The following TEK variants were observed in gnomAD, a reference collection of about 807,000 sequenced individuals.
TEK encodes the protein angiopoietin-1 receptor.
A neutral mutation model predicts 131.8 loss-of-function variants in TEK; 43 were observed. That is an observed-to-expected ratio of 0.33 (90% CI 0.26 to 0.42). The LOEUF is 0.42. Among genes scored for constraint, TEK ranks in the 10% least tolerant of loss-of-function variants. The pLI, the probability that TEK is intolerant of heterozygous loss-of-function variation, is 1.00. For missense variants in TEK, 1,162 were observed against 1,384.4 expected (o/e 0.84, Z 2.55); for synonymous variants, 580 against 491.6 (o/e 1.18, Z -2.38).
At chr9:27,209,092 A>C (rs1425210403) in intron 15 of TEK, 29 bp from the exon 16 acceptor site, 5 of 1,527,298 alleles carry the variant, frequency 3.3e-6, no homozygotes, top group African/African-American at 2.7e-5. Flanking sequence ...GTAACAAAGA[A>C]GAATCACAAC....
At chr9:27,122,482 C>A (rs566727524) in intron 1 of TEK, among the ~76,000 whole-genome samples, 1 of 152,122 alleles carries the variant, frequency 6.6e-6, no homozygotes, top group East Asian at 1.9e-4. Context: ...ACAATGGGTT[C>A]ATTGAAGAAG....
chr9:27,198,968 T>A (rs761249389), intron 12 of TEK, among the ~76,000 whole-genome samples: 35 of 152,240 alleles, frequency 2.3e-4, no homozygotes, highest in African/African-American at 2.9e-4. Context: ...TGACTTTTTT[T>A]AAAAATTTTT....
chr9:27,180,440 T>G, intron 7 of TEK, 72 bp downstream of exon 7: 1 of 1,561,946 alleles, frequency 6.4e-7, no homozygotes, highest in East Asian at 2.4e-5. Flanking sequence ...GTGTAATTCT[T>G]GTGCCGGCAT....
intron 2 of TEK, among the ~76,000 whole-genome samples, chr9:27,167,180 A>G (rs573992918): frequency 1.3e-5 from 2 of 152,308 alleles, no homozygotes; most frequent in South Asian, 4.2e-4. Flanking sequence ...TCAATGTTGC[A>G]TGGCAAGCTT....
intron 1 of TEK, among the ~76,000 whole-genome samples, chr9:27,128,869 G>A (rs548389826): frequency 6.6e-6 from 1 of 152,186 alleles, no homozygotes; most frequent in Non-Finnish European, 1.5e-5. Context: ...AGCTTGAGGA[G>A]ATTTTGGGCT....
chr9:27,176,618 T>G (rs1275111260), intron 6 of TEK, among the ~76,000 whole-genome samples: 1 of 152,270 alleles, frequency 6.6e-6, no homozygotes, highest in Non-Finnish European at 1.5e-5. Context: ...GATATATCTA[T>G]ACATTGTGAA....
intron 16 of TEK, 126 bp downstream of exon 16, chr9:27,209,357 C>G (rs1825517152): frequency 1.3e-6 from 1 of 744,782 alleles, no homozygotes; most frequent in Admixed American, 2.0e-5. Context: ...CATCTTCTAT[C>G]TGAATGTCTG....
intron 1 of TEK, among the ~76,000 whole-genome samples, chr9:27,149,674 C>T (rs985749421): frequency 2.0e-5 from 3 of 152,118 alleles, no homozygotes; most frequent in African/African-American, 2.4e-5. Context: ...AGTCAAATTG[C>T]CTTCTCTGTT....
In TEK at chr9:27,229,552, G is replaced by C. The variant is rs1400670236; in HGVS notation, c.*320G>C. 2.8e-6 allele frequency: 1 copy of C among 353,050 alleles called. No individual in the cohort carries two copies. Among genetic ancestry groups the C allele is most frequent in the Non-Finnish European group, 5.3e-6 (1 of 188,408 alleles). The allele number at this position is 353,050 out of a possible 1,614,324, so 21.9% of individuals were successfully genotyped here. On this transcript the variant is annotated 3_prime_UTR_variant, in exon 23 of 23. Coordinates refer to ENST00000380036, the MANE Select transcript of TEK (RefSeq NM_000459.5). ...CAATTAGTATAATGCATAACTCATT[G>C]TTGTCCTAGATATTTTGATATTTAC...
chr9:27,228,671 G>T (rs912669448), intron 22 of TEK, among the ~76,000 whole-genome samples: 1 of 152,136 alleles, frequency 6.6e-6, no homozygotes, highest in African/African-American at 2.4e-5. Flanking sequence ...TGACCTGCAG[G>T]TTACTATAAT....
At chr9:27,179,590 G>C (rs1676072562) in intron 6 of TEK, among the ~76,000 whole-genome samples, 1 of 152,102 alleles carries the variant, frequency 6.6e-6, no homozygotes, top group Admixed American at 6.6e-5. Flanking sequence ...TTTTGTTTTA[G>C]CAGGCAATTA....
At chr9:27,192,687 GAA>G in intron 11 of TEK, 64 bp downstream of exon 11, 1 of 858,096 alleles carries the variant, frequency 1.2e-6, no homozygotes, top group Non-Finnish European at 1.7e-6. Flanking sequence ...GGGGAAAGAG[GAA>G]GGAAGACCAG....
At chr9:27,210,986 G>A (rs866877644) in intron 16 of TEK, among the ~76,000 whole-genome samples, 1 of 152,012 alleles carries the variant, frequency 6.6e-6, no homozygotes, top group African/African-American at 2.4e-5. Context: ...ACTGGGCCTA[G>A]TGGCGCATGC....
chr9:27,166,749 TTATGTGTGTG>T (rs1406780262), intron 2 of TEK, among the ~76,000 whole-genome samples: 1 of 152,178 alleles, frequency 6.6e-6, no homozygotes, highest in African/African-American at 2.4e-5. Context: ...GCACACAGTT[TTATGTGTGTG>T]TGTGTTTTAG....
At position 27,119,702 on chromosome 9, in the gene TEK, C is replaced by G. The variant is rs1821707997; in HGVS notation, c.52+10060C>G. ...CTTTTTCCTGCCAGCCCCCAGTTTC[C>G]TCTCATTTCTGGGTCGTGACTGATC... is the stretch of plus-strand genomic sequence containing the variant. On this transcript the variant is annotated intron_variant, in intron 1 of 22. Coordinates refer to ENST00000380036, the MANE Select transcript of TEK (RefSeq NM_000459.5). Among the ~76,000 whole-genome samples, 2 of 152,178 alleles carry G rather than the reference C, an allele frequency of 1.3e-5. 1 individual carries two copies. Among genetic ancestry groups the G allele is most frequent in the South Asian group, 4.1e-4 (2 of 4,826 alleles).
chr9:27,153,929 T>C (rs953591663), intron 1 of TEK, among the ~76,000 whole-genome samples: 1 of 152,242 alleles, frequency 6.6e-6, no homozygotes, highest in Non-Finnish European at 1.5e-5. Context: ...GGCTACTTTT[T>C]TTTTCAGCAT....
At chr9:27,113,532 G>A (rs1564031373) in intron 1 of TEK, among the ~76,000 whole-genome samples, 1 of 152,178 alleles carries the variant, frequency 6.6e-6, no homozygotes, top group South Asian at 2.1e-4. Context: ...AGGTTGCAGT[G>A]AGCTGAGATC....
intron 1 of TEK, among the ~76,000 whole-genome samples, chr9:27,130,025 C>T (rs757416779): frequency 2.0e-5 from 3 of 152,292 alleles, no homozygotes; most frequent in East Asian, 1.9e-4. Flanking sequence ...ATCCAATCAC[C>T]TAAAGATATT....
chr9:27,190,450 A>G (rs1824775375), intron 9 of TEK, 79 bp from the exon 10 acceptor site: 5 of 1,568,036 alleles, frequency 3.2e-6, no homozygotes, highest in Non-Finnish European at 2.6e-6. Flanking sequence ...CATGTAAAAC[A>G]TATCTTCTAC....
Sources: gnomAD v4.1 joint callset for allele counts (sites outside exome capture counted in the v4.1 genomes callset) on GRCh38, gnomAD v4.1.1 for gene constraint, MANE v1.5 for transcripts, NCBI Gene and HGNC (gene_info 2026-07-23, HGNC 2026-07-21) for gene names.